The following ST3GAL6 variants were observed in gnomAD, a reference collection of about 807,000 sequenced individuals.
ST3GAL6 encodes the protein ST3 beta-galactoside alpha-2,3-sialyltransferase 6.
In ST3GAL6, 31 loss-of-function variants were observed where a neutral mutation model predicts 40.5. The ratio of observed to expected loss-of-function variants is 0.77; its 90% CI spans 0.58 to 1.03. ST3GAL6 has a LOEUF of 1.03. Ranked by LOEUF, ST3GAL6 falls within the 50% of genes least tolerant of loss-of-function variation. The probability of loss-of-function intolerance (pLI) is 0.00; values close to 1 mark genes in which losing one functional copy is unlikely to be tolerated. For missense variants in ST3GAL6, 357 were observed against 393.2 expected (o/e 0.91, Z 0.78); for synonymous variants, 129 against 136.9 (o/e 0.94, Z 0.40).
chr3:98,745,983 A>G (rs1267173741), intron 1 of ST3GAL6, among the ~76,000 whole-genome samples: 1 of 152,104 alleles, frequency 6.6e-6, no homozygotes, highest in African/African-American at 2.4e-5. Flanking sequence ...ACACCCTGAG[A>G]TTTCATGGCA....
chr3:98,733,536 A>G (rs1935246118), intron 1 of ST3GAL6: 1 of 985,712 alleles, frequency 1.0e-6, no homozygotes. Flanking sequence ...TTCCCTCCAC[A>G]ATGGAACTAG....
intron 1 of ST3GAL6, among the ~76,000 whole-genome samples, chr3:98,747,953 T>C (rs531902745): frequency 1.3e-5 from 2 of 152,268 alleles, no homozygotes; most frequent in East Asian, 3.9e-4. Flanking sequence ...GAAGAGATGG[T>C]TATTTTTGGT....
chr3:98,788,245 C>T, intron 7 of ST3GAL6, 23 bp downstream of exon 7: 2 of 1,600,080 alleles, frequency 1.2e-6, no homozygotes, highest in Middle Eastern at 1.7e-4. Context: ...AATTGTTCTG[C>T]CTTCAGATTA....
At chr3:98,746,923 G>A (rs1349959083) in intron 1 of ST3GAL6, among the ~76,000 whole-genome samples, 1 of 152,172 alleles carries the variant, frequency 6.6e-6, no homozygotes, top group Non-Finnish European at 1.5e-5. Flanking sequence ...GTTCATGTAA[G>A]TAGATCATTG....
intron 6 of ST3GAL6, among the ~76,000 whole-genome samples, chr3:98,787,079 T>G (rs1404058016): frequency 1.3e-5 from 2 of 151,852 alleles, no homozygotes. Context: ...TTTTGTGGGG[T>G]TACAAGCTGC....
chr3:98,769,315 T>C (rs1938713404), intron 2 of ST3GAL6, among the ~76,000 whole-genome samples: 1 of 152,232 alleles, frequency 6.6e-6, no homozygotes, highest in Non-Finnish European at 1.5e-5. Flanking sequence ...TGGAAGGACG[T>C]TAGGCAAATG....
upstream of ST3GAL6, among the ~76,000 whole-genome samples, chr3:98,761,166 G>A (rs906855359): frequency 1.3e-5 from 2 of 152,070 alleles, no homozygotes; most frequent in African/African-American, 4.8e-5. Context: ...TAAAAGTGGC[G>A]AATTTTAGTG....
intron 1 of ST3GAL6, among the ~76,000 whole-genome samples, chr3:98,744,345 G>C (rs947242270): frequency 6.6e-6 from 1 of 152,142 alleles, no homozygotes; most frequent in Non-Finnish European, 1.5e-5. Context: ...CCATGGTACT[G>C]ATCCCTCTTC....
At chr3:98,744,831 G>C (rs927127449) in intron 1 of ST3GAL6, among the ~76,000 whole-genome samples, 3 of 151,890 alleles carry the variant, frequency 2.0e-5, no homozygotes, top group East Asian at 3.9e-4. Flanking sequence ...GTAAATAAAG[G>C]CTTCATTATG....
chr3:98,736,770 A>G (rs1935580770), intron 1 of ST3GAL6, among the ~76,000 whole-genome samples: 1 of 152,134 alleles, frequency 6.6e-6, no homozygotes. Flanking sequence ...CTTATGTTTT[A>G]TGGGGGGCAG....
At chr3:98,780,667 C>A (rs17270593) in intron 5 of ST3GAL6, among the ~76,000 whole-genome samples, 2 of 151,982 alleles carry the variant, frequency 1.3e-5, no homozygotes, top group Admixed American at 6.6e-5. Flanking sequence ...GCCTGAAACC[C>A]TAGACCCCTC....
chr3:98,786,457 G>A (rs1940723423), intron 6 of ST3GAL6, among the ~76,000 whole-genome samples: 1 of 152,134 alleles, frequency 6.6e-6, no homozygotes, highest in African/African-American at 2.4e-5. Flanking sequence ...GGACAGAGTG[G>A]TGACCATTGG....
chr3:98,732,886 G>A, intron 1 of ST3GAL6: 1 of 1,510,192 alleles, frequency 6.6e-7, no homozygotes, highest in South Asian at 1.2e-5. Context: ...CCGCGAGAGA[G>A]GCAGCAGCCG....
At chr3:98,732,771 C>A (rs985249698) in intron 1 of ST3GAL6, 8 of 1,293,982 alleles carry the variant, frequency 6.2e-6, no homozygotes, top group Middle Eastern at 2.7e-4. Context: ...TCTGCTCCCC[C>A]GCCAGATCCG....
chr3:98,769,125 T>C (rs1244229279), intron 2 of ST3GAL6, among the ~76,000 whole-genome samples: 2 of 152,210 alleles, frequency 1.3e-5, no homozygotes, highest in Non-Finnish European at 2.9e-5. Context: ...CAGTACATAA[T>C]TATGCTAAAA....
rs1218028855 is a variant in ST3GAL6 at position 98,795,573 on chromosome 3, A to T, written c.*1812A>T. The T allele has an allele frequency of 1.3e-5, 2 of 152,278 alleles. No homozygotes were observed. The highest frequency in any genetic ancestry group is 3.9e-4 in the East Asian group (2 of 5,180). 9.4% of individuals were successfully genotyped at this position (152,278 alleles called of 1,614,324 possible). A position where few individuals can be genotyped will look rare whatever the true frequency, so the allele number is the denominator to read the frequency against. On this transcript the variant is annotated 3_prime_UTR_variant, in exon 10 of 10. Coordinates refer to ENST00000483910, the MANE Select transcript of ST3GAL6 (RefSeq NM_001323368.2). ...CAGTGTGGCTGCTGAAGTTCAATTG[A>T]TATAAAGTAAATCAGGCTTCAAAAA...
intron 1 of ST3GAL6, chr3:98,756,228 C>A: frequency 1.7e-6 from 1 of 589,900 alleles, no homozygotes; most frequent in Non-Finnish European, 2.6e-6. Context: ...GTAATTTCAT[C>A]ATCCTGGAAA....
At chr3:98,752,836 ACAGT>A (rs777882590) in intron 1 of ST3GAL6, among the ~76,000 whole-genome samples, 15 of 152,226 alleles carry the variant, frequency 9.9e-5, no homozygotes, top group Admixed American at 3.9e-4. Flanking sequence ...CCACTATAAG[ACAGT>A]CAGCGTAATC....
At chr3:98,770,805 T>C in intron 2 of ST3GAL6, 74 bp from the exon 3 acceptor site, 1 of 1,302,572 alleles carries the variant, frequency 7.7e-7, no homozygotes, top group Non-Finnish European at 1.1e-6. Context: ...ATGAATGAGT[T>C]CCCAGGGCAT....
Sources: gnomAD v4.1 joint callset for allele counts (sites outside exome capture counted in the v4.1 genomes callset) on GRCh38, gnomAD v4.1.1 for gene constraint, MANE v1.5 for transcripts, NCBI Gene and HGNC (gene_info 2026-07-23, HGNC 2026-07-21) for gene names.